SEZ6L: variants seen among roughly 807,000 people sequenced by gnomAD.
SEZ6L encodes the protein seizure related 6 homolog like, also known as seizure 6-like protein.
A neutral mutation model predicts 106.2 loss-of-function variants in SEZ6L; 37 were observed. The ratio of observed to expected loss-of-function variants is 0.35; its 90% confidence interval spans 0.27 to 0.46. The LOEUF (loss-of-function observed/expected upper bound fraction) is 0.46, where lower values mean the gene tolerates loss of function less well. SEZ6L is among the 20% of genes least tolerant of loss of function. The probability of loss-of-function intolerance (pLI) is 1.00; values close to 1 mark genes in which losing one functional copy is unlikely to be tolerated. For synonymous variants in SEZ6L, 541 were observed against 570.4 expected (o/e 0.95, Z 0.73); for missense variants, 1,172 against 1,332.8 (o/e 0.88, Z 1.88).
intron 1 of SEZ6L, among the ~76,000 whole-genome samples, chr22:26,234,847 G>A (rs1394393083): frequency 6.6e-6 from 1 of 152,238 alleles, no homozygotes; most frequent in Non-Finnish European, 1.5e-5. Flanking sequence ...CAGTAGCAGA[G>A]AGAAATGACC....
chr22:26,208,824 T>C (rs1202790032), intron 1 of SEZ6L, among the ~76,000 whole-genome samples: 1 of 151,054 alleles, frequency 6.6e-6, no homozygotes, highest in Non-Finnish European at 1.5e-5. Context: ...CCCCATTCTG[T>C]TTTTTTCTAC....
rs150320225 is a variant in SEZ6L, at chr22:26,303,240, T to C, written c.1349-2739T>C. 1.6e-3 allele frequency among the ~76,000 whole-genome samples: 245 copies of C among 152,330 alleles called. 1 individual carries two copies. Among genetic ancestry groups the C allele is most frequent in the African/African-American group, 5.5e-3 (228 of 41,568 alleles). The stretch of plus-strand genomic sequence containing the variant: ...GGTCCTGAAAGAAGTATGGAGCTTC[T>C]TGGCAATGTCTTTGCTGTAGGTCAC... On this transcript the variant is annotated intron_variant, in intron 5 of 16. Coordinates refer to ENST00000248933, the MANE Select transcript of SEZ6L (RefSeq NM_021115.5).
At chr22:26,357,737 A>G (rs899334837) in intron 12 of SEZ6L, among the ~76,000 whole-genome samples, 3 of 152,192 alleles carry the variant, frequency 2.0e-5, no homozygotes, top group Admixed American at 6.5e-5. Flanking sequence ...TGATGTTACT[A>G]TTACTGTCGT....
At chr22:26,198,212 CAG>C (rs1215411787) in intron 1 of SEZ6L, among the ~76,000 whole-genome samples, 1 of 152,198 alleles carries the variant, frequency 6.6e-6, no homozygotes, top group Admixed American at 6.5e-5. Context: ...TTCTGTGAAA[CAG>C]AGGTGATCAG....
chr22:26,327,745 C>A (rs2082365038), intron 9 of SEZ6L, among the ~76,000 whole-genome samples: 1 of 152,296 alleles, frequency 6.6e-6, no homozygotes, highest in Non-Finnish European at 1.5e-5. Flanking sequence ...ACACATACTG[C>A]CACATACACA....
intron 5 of SEZ6L, among the ~76,000 whole-genome samples, chr22:26,299,982 A>T (rs1265916661): frequency 2.6e-5 from 4 of 152,058 alleles, no homozygotes; most frequent in African/African-American, 9.7e-5. Flanking sequence ...CCTTGCCCAC[A>T]TATGTTCTTT....
At chr22:26,281,374 C>CT (rs769088373) in intron 1 of SEZ6L, among the ~76,000 whole-genome samples, 8,095 of 130,580 alleles carry the variant, frequency 0.062, 725 homozygotes, top group African/African-American at 0.16. Flanking sequence ...TTCTTTCTTT[C>CT]TTTTTTTTTT....
At chr22:26,265,534 G>A (rs4640491) in intron 1 of SEZ6L, among the ~76,000 whole-genome samples, 27,152 of 152,144 alleles carry the variant, frequency 0.18, 2,614 homozygotes, top group Non-Finnish European at 0.21. Flanking sequence ...TTGAAGAATC[G>A]TGTCTTTTCT....
chr22:26,215,497 C>T (rs4553919), intron 1 of SEZ6L, among the ~76,000 whole-genome samples: 18,987 of 151,866 alleles, frequency 0.13, 1,565 homozygotes, highest in Non-Finnish European at 0.19. Flanking sequence ...ATGGGAGAGG[C>T]GATTCGTTTT....
intron 1 of SEZ6L, among the ~76,000 whole-genome samples, chr22:26,236,739 A>G (rs1398999633): frequency 6.6e-6 from 1 of 152,196 alleles, no homozygotes; most frequent in Non-Finnish European, 1.5e-5. Flanking sequence ...ACTAAGGCTG[A>G]ATGTGCTAGC....
chr22:26,251,643 G>A (rs181536518), intron 1 of SEZ6L, among the ~76,000 whole-genome samples: 4 of 152,274 alleles, frequency 2.6e-5, no homozygotes, highest in East Asian at 3.9e-4. Context: ...GGGCTGCTAG[G>A]GGGATCCTTG....
intron 1 of SEZ6L, among the ~76,000 whole-genome samples, chr22:26,274,719 G>A (rs1456240016): frequency 6.6e-6 from 1 of 152,156 alleles, no homozygotes; most frequent in African/African-American, 2.4e-5. Flanking sequence ...TAGAAACCAG[G>A]CACAGCTTCC....
intron 5 of SEZ6L, among the ~76,000 whole-genome samples, chr22:26,301,354 G>A (rs530052691): frequency 1.2e-4 from 19 of 152,332 alleles, no homozygotes; most frequent in African/African-American, 2.9e-4. Context: ...TCCGCCGAGC[G>A]CCCACTGTGT....
At position 26,273,657 on chromosome 22, in the gene SEZ6L, C is replaced by A. The variant is rs541937798; in HGVS notation, c.95-18749C>A. Among the ~76,000 whole-genome samples the A allele has an allele frequency of 2.0e-5, 3 of 152,278 alleles. No homozygotes were observed. The East Asian group carries it at 5.8e-4, about 29-fold the overall frequency. ...CTCCGCATGCACTGGGGCTCTGATG[C>A]CCAGTGAGAACGTTGACTCTGGAGG... On this transcript the variant is annotated intron_variant, in intron 1 of 16. Transcript: ENST00000248933.
intron 1 of SEZ6L, among the ~76,000 whole-genome samples, chr22:26,230,462 T>C (rs1001833649): frequency 6.6e-6 from 1 of 152,232 alleles, no homozygotes; most frequent in Admixed American, 6.5e-5. Flanking sequence ...GGCACAGAGC[T>C]GAGTGCTAGG....
chr22:26,226,108 G>A (rs2078626852), intron 1 of SEZ6L, among the ~76,000 whole-genome samples: 1 of 152,098 alleles, frequency 6.6e-6, no homozygotes. Flanking sequence ...CTCTCACCTG[G>A]CCAACTGCAA....
At chr22:26,318,401 C>T (rs916375666) in intron 9 of SEZ6L, among the ~76,000 whole-genome samples, 2 of 118,122 alleles carry the variant, frequency 1.7e-5, no homozygotes, top group African/African-American at 3.6e-5. Context: ...AAATAGCATC[C>T]CCTCCTCCAA....
chr22:26,288,268 T>C (rs1022253797), intron 1 of SEZ6L, among the ~76,000 whole-genome samples: 34 of 152,212 alleles, frequency 2.2e-4, no homozygotes, highest in African/African-American at 8.0e-4. Context: ...GTCAGGTGGG[T>C]TCACGTGTTC....
chr22:26,239,889 C>T (rs1359284955), intron 1 of SEZ6L, among the ~76,000 whole-genome samples: 2 of 152,008 alleles, frequency 1.3e-5, no homozygotes, highest in African/African-American at 2.4e-5. Context: ...ACCCCAATCC[C>T]CTCTGCCATC....
Sources: gnomAD v4.1 joint callset for allele counts (sites outside exome capture counted in the v4.1 genomes callset) on GRCh38, gnomAD v4.1.1 for gene constraint, MANE v1.5 for transcripts, NCBI Gene and HGNC (gene_info 2026-07-23, HGNC 2026-07-21) for gene names.